The following ZSCAN21 variants were observed in gnomAD, a reference collection of about 807,000 sequenced individuals.
ZSCAN21 encodes the protein zinc finger and SCAN domain containing 21.
In ZSCAN21, 26 loss-of-function variants were observed where a neutral mutation model predicts 35.6. That is an observed-to-expected ratio of 0.73 (90% CI 0.54 to 1.01). The LOEUF is 1.01. Ranked by LOEUF, ZSCAN21 falls within the 50% of genes least tolerant of loss-of-function variation. ZSCAN21 has a pLI of 0.00. For synonymous variants in ZSCAN21, 219 were observed against 219.3 expected (o/e 1.00, Z 0.01); for missense variants, 593 against 587.1 (o/e 1.01, Z -0.10).
chr7:100,057,041 T>C lies in ZSCAN21; in HGVS notation c.35T>C (p.Leu12Pro). The C allele has an allele frequency of 6.2e-7, 1 of 1,613,728 alleles. No homozygotes were observed. The highest frequency in any genetic ancestry group is 8.5e-7 in the Non-Finnish European group (1 of 1,179,838). The change falls in exon 2 of 4, where the codon CTG becomes CCG. Residue 12 changes from leucine (L) to proline (P), a missense_variant. Coordinates refer to ENST00000292450, the MANE Select transcript of ZSCAN21 (RefSeq NM_145914.3). Reference sequence around the variant, plus strand: ...AAGGTACTAGGCATGGCCCCAGTTCTGGGCCCTAGGCCTCCACAGGAGCAG... The same window carrying C: ...AAGGTACTAGGCATGGCCCCAGTTCCGGGCCCTAGGCCTCCACAGGAGCAG... ...MTKVLGMAPV[L>P]GPRPPQEQVG... is the part of the protein sequence containing the mutation.
intron 1 of ZSCAN21, among the ~76,000 whole-genome samples, chr7:100,052,515 A>G (rs1242144139): frequency 2.0e-5 from 3 of 152,110 alleles, no homozygotes; most frequent in Non-Finnish European, 4.4e-5. Context: ...AAAAAGAACA[A>G]TGAGAGTTGC....
At chr7:100,060,838 G>T (rs1339404010) in intron 3 of ZSCAN21, among the ~76,000 whole-genome samples, 1 of 136,140 alleles carries the variant, frequency 7.3e-6, no homozygotes. Flanking sequence ...CCAGCCTGGC[G>T]CAACAGAGTA....
chr7:100,057,397 G>C lies in ZSCAN21; in HGVS notation c.391G>C (p.Gly131Arg), dbSNP rs757088364. The C allele has an allele frequency of 4.5e-6, 7 of 1,547,414 alleles. No homozygotes were observed. The highest frequency in any genetic ancestry group is 1.7e-4 in the Middle Eastern group (1 of 5,756). ...EDLERELDEPGHQVSTPPNEQ... is the reference protein window; with the variant it reads ...EDLERELDEPRHQVSTPPNEQ... ...TCTGGAGCGGGAACTGGATGAGCCA[G>C]GACACCAGGTAGGCAGGAGAGACCT... Residue 131 changes from glycine (G) to arginine (R), a missense_variant, in exon 2 of 4, where the codon GGA becomes CGA. Transcript: ENST00000292450.
chr7:100,050,268 A>C (rs1009118280), intron 1 of ZSCAN21, among the ~76,000 whole-genome samples: 1 of 152,168 alleles, frequency 6.6e-6, no homozygotes, highest in Admixed American at 6.5e-5. Context: ...ACCTCATTAG[A>C]AGTGTTGGGT....
intron 3 of ZSCAN21, among the ~76,000 whole-genome samples, 180 bp from the exon 4 acceptor site, chr7:100,063,608 A>G (rs1439492019): frequency 6.6e-6 from 1 of 152,030 alleles, no homozygotes; most frequent in Non-Finnish European, 1.5e-5. Context: ...AAAAAAAAGA[A>G]GTGCAGTATT....
intron 1 of ZSCAN21, among the ~76,000 whole-genome samples, chr7:100,054,830 C>T (rs1378119582): frequency 3.5e-5 from 4 of 114,716 alleles, no homozygotes; most frequent in Non-Finnish European, 6.9e-5. Flanking sequence ...CAGAGTGAGA[C>T]GCTGTCTCAA....
chr7:100,059,678 G>A (rs1045254208), intron 3 of ZSCAN21, among the ~76,000 whole-genome samples: 2 of 150,064 alleles, frequency 1.3e-5, no homozygotes, highest in Admixed American at 6.7e-5. Context: ...TCAGCCTCCC[G>A]AGTAGCTGGA....
chr7:100,062,770 G>A (rs914572790), intron 3 of ZSCAN21, among the ~76,000 whole-genome samples: 7 of 152,028 alleles, frequency 4.6e-5, no homozygotes, highest in Non-Finnish European at 1.0e-4. Flanking sequence ...AGCTCTTCGG[G>A]AGGCTGAGTC....
intron 1 of ZSCAN21, among the ~76,000 whole-genome samples, chr7:100,052,097 A>T (rs983515245): frequency 4.0e-5 from 6 of 151,802 alleles, no homozygotes; most frequent in Non-Finnish European, 7.4e-5. Context: ...CAATAAATAA[A>T]TTTTTTTTAA....
intron 3 of ZSCAN21, among the ~76,000 whole-genome samples, chr7:100,062,560 A>C (rs1584383936): frequency 6.8e-6 from 1 of 146,706 alleles, no homozygotes; most frequent in South Asian, 2.2e-4. Flanking sequence ...GAACCATTGC[A>C]CTCCAGCCTG....
rs1281416333 is a variant in ZSCAN21, at chr7:100,057,276, G to A, written c.270G>A (p.Leu90=). 6.2e-7 allele frequency: 1 copy of A among 1,613,906 alleles called. No homozygotes were observed. The highest frequency in any genetic ancestry group is 8.5e-7 in the Non-Finnish European group (1 of 1,179,958). ...TKEQILELLV[L]EQFLTILPQE... ...AGCAGATCCTGGAGCTACTGGTGCT[G>A]GAGCAGTTCCTGACCATCCTGCCCC... Residue 90 remains leucine, a synonymous_variant, in exon 2 of 4, where the codon CTG becomes CTA. Coordinates refer to ENST00000292450, the MANE Select transcript of ZSCAN21 (RefSeq NM_145914.3).
chr7:100,061,090 G>A (rs1792274184), intron 3 of ZSCAN21, among the ~76,000 whole-genome samples: 1 of 151,956 alleles, frequency 6.6e-6, no homozygotes, highest in Non-Finnish European at 1.5e-5. Context: ...CATAAAAGAC[G>A]GATTACCCCC....
At chr7:100,050,291 A>C (rs1007681664) in intron 1 of ZSCAN21, among the ~76,000 whole-genome samples, 1 of 152,146 alleles carries the variant, frequency 6.6e-6, no homozygotes, top group Non-Finnish European at 1.5e-5. Context: ...AATCAAATCC[A>C]AGGGAAGAAA....
intron 3 of ZSCAN21, among the ~76,000 whole-genome samples, chr7:100,063,269 C>T (rs2116162119): frequency 6.6e-6 from 1 of 152,332 alleles, no homozygotes; most frequent in South Asian, 2.1e-4. Context: ...GTTCTCTTCA[C>T]ATCTTAATAG....
Position 100,057,770 on chromosome 7 carries a change from C to T in ZSCAN21, c.472C>T (p.Pro158Ser), listed in dbSNP as rs764906882. The T allele has an allele frequency of 1.9e-6, 3 of 1,614,056 alleles. No individual in the cohort carries two copies. The highest frequency in any genetic ancestry group is 2.5e-6 in the Non-Finnish European group (3 of 1,179,994). ...CTCCTCAGGAACTGCAAAGGAATCC[C>T]CGAGCAGCATGCAGCCACAGCCCTT... ...ISSSGTAKES[P>S]SSMQPQPLET... The change falls in exon 3 of 4, where the codon CCG (proline) becomes TCG (serine). Residue 158 changes from proline (P) to serine (S), a missense_variant. Coordinates refer to ENST00000292450, the MANE Select transcript of ZSCAN21 (RefSeq NM_145914.3).
intron 3 of ZSCAN21, among the ~76,000 whole-genome samples, chr7:100,062,999 C>A (rs1262699068): frequency 1.3e-5 from 2 of 152,230 alleles, no homozygotes; most frequent in Non-Finnish European, 2.9e-5. Context: ...CTTAAGTGAT[C>A]CTCTTATTCA....
At position 100,063,992 on chromosome 7, in the gene ZSCAN21, T is replaced by C; in HGVS notation, c.797T>C (p.Val266Ala). The change falls in exon 4 of 4, where the codon GTT becomes GCT. Residue 266 changes from valine to alanine, a missense_variant. By Grantham distance (64) the Val-to-Ala change is moderately conservative. Coordinates refer to ENST00000292450, the MANE Select transcript of ZSCAN21 (RefSeq NM_145914.3). ...GGCTCCAAGAAAGGTAGAGAATCAG[T>C]TCCTACTAAACCTACCCCAGGAGAG... ...EAGSKKGRES[V>A]PTKPTPGERR... The C allele has an allele frequency of 1.9e-6, 3 of 1,614,104 alleles. No individual in the cohort carries two copies. Among genetic ancestry groups the C allele is most frequent in the Non-Finnish European group, 2.5e-6 (3 of 1,180,002 alleles).
rs1410487310 is a variant in ZSCAN21 at position 100,057,016 on chromosome 7, A to C, written c.10A>C (p.Lys4Gln). The C allele has an allele frequency of 6.3e-7, 1 of 1,598,734 alleles. No individual in the cohort carries two copies. Among genetic ancestry groups the C allele is most frequent in the East Asian group, 2.2e-5 (1 of 44,668 alleles). The change falls in exon 2 of 4, where the codon AAG (lysine) becomes CAG (glutamine). Residue 4 changes from lysine (K) to glutamine (Q), a missense_variant. Transcript: ENST00000292450. MMT[K>Q]VLGMAPVLGP... Reference sequence around the variant, plus strand: ...TGTTTCTGGAGTTTACATGATGACCAAGGTACTAGGCATGGCCCCAGTTCT... The same window carrying C: ...TGTTTCTGGAGTTTACATGATGACCCAGGTACTAGGCATGGCCCCAGTTCT...
Position 100,064,504 on chromosome 7 carries a change from A to C in ZSCAN21, c.1309A>C (p.Ile437Leu). 1 of 1,614,076 alleles carries C rather than the reference A, an allele frequency of 6.2e-7. No homozygotes were observed. Among genetic ancestry groups the C allele is most frequent in the East Asian group, 2.2e-5 (1 of 44,882 alleles). Residue 437 changes from isoleucine to leucine, a missense_variant, in exon 4 of 4, where the codon ATC (isoleucine) becomes CTC (leucine). By Grantham distance (5) the Ile-to-Leu change is conservative. Coordinates refer to ENST00000292450, the MANE Select transcript of ZSCAN21 (RefSeq NM_145914.3). ...HSSNFNKHHR[I>L]HTGEKPYWCH... is the part of the protein sequence containing the mutation. Reference sequence around the variant, plus strand: ...CTCCAACTTCAATAAACACCACAGAATCCACACCGGGGAAAAGCCCTACTG... The same window carrying C: ...CTCCAACTTCAATAAACACCACAGACTCCACACCGGGGAAAAGCCCTACTG...
Sources: gnomAD v4.1 joint callset for allele counts (sites outside exome capture counted in the v4.1 genomes callset) on GRCh38, gnomAD v4.1.1 for gene constraint, MANE v1.5 for transcripts, NCBI Gene and HGNC (gene_info 2026-07-23, HGNC 2026-07-21) for gene names.